ABCB1: variants seen among roughly 807,000 people sequenced by gnomAD.
The protein encoded by ABCB1 is ATP binding cassette subfamily B member 1, also known as ATP-dependent translocase ABCB1.
ABCB1 carries 69 observed loss-of-function variants against 142.0 expected under a neutral mutation model. The observed-to-expected ratio is 0.49, with a 90% CI of 0.40 to 0.59. The LOEUF (loss-of-function observed/expected upper bound fraction) is 0.59, where lower values mean the gene tolerates loss of function less well. ABCB1 is among the 20% of genes least tolerant of loss of function. The pLI, the probability that ABCB1 is intolerant of heterozygous loss-of-function variation, is 0.00. For synonymous variants in ABCB1, 532 were observed against 539.2 expected, an observed-to-expected ratio of 0.99 and a Z score of 0.18; for missense variants, 1,326 against 1,554.7, an observed-to-expected ratio of 0.85 and a Z score of 2.47.
chr7:87,683,563 G>A (rs1827148500), intron 1 of ABCB1, among the ~76,000 whole-genome samples: 1 of 152,174 alleles, frequency 6.6e-6, no homozygotes, highest in Admixed American at 6.5e-5. Context: ...AGAGAGATGG[G>A]AAATGGCCGG....
chr7:87,583,966 T>C (rs1349927927), intron 4 of ABCB1, among the ~76,000 whole-genome samples: 4 of 152,126 alleles, frequency 2.6e-5, no homozygotes, highest in Admixed American at 1.3e-4. Context: ...ATATAGCAAG[T>C]ATAGGAACTA....
chr7:87,513,680 T>A (rs1216461437), intron 25 of ABCB1, among the ~76,000 whole-genome samples: 2 of 152,176 alleles, frequency 1.3e-5, no homozygotes, highest in African/African-American at 4.8e-5. Flanking sequence ...TTCTCTTACA[T>A]TGAATGTCAT....
chr7:87,581,140 A>G (rs992088505), intron 4 of ABCB1, among the ~76,000 whole-genome samples: 7 of 151,978 alleles, frequency 4.6e-5, no homozygotes, highest in Non-Finnish European at 8.8e-5. Context: ...AAGTTTTATT[A>G]GAGACAAACT....
intron 14 of ABCB1, among the ~76,000 whole-genome samples, chr7:87,548,829 C>G (rs1436242764): frequency 2.0e-5 from 3 of 152,182 alleles, no homozygotes; most frequent in African/African-American, 7.2e-5. Flanking sequence ...AATAACCTGT[C>G]ATGGCTTAGG....
In ABCB1 at chr7:87,541,385, A is replaced by G; in HGVS notation, c.2291T>C (p.Ile764Thr). The change falls in exon 18 of 28, where the codon ATT becomes ACT. Residue 764 changes from isoleucine (I) to threonine (T), a missense_variant. By Grantham distance (89) the Ile-to-Thr change is moderately conservative (BLOSUM62 -1). Transcript: ENST00000622132. Reference protein sequence around the residue: ...LFSLLFLALGIISFITFFLQG... With the variant: ...LFSLLFLALGTISFITFFLQG... ...AAGGAAAAATGTAATAAAAGAAATA[A>G]TTCCAAGGGCTAGAAACAATAGTGA... 6.3e-7 allele frequency: 1 copy of G among 1,598,700 alleles called. No homozygotes were observed. The highest frequency in any genetic ancestry group is 8.6e-7 in the Non-Finnish European group (1 of 1,166,058).
chr7:87,526,327 T>C (rs1048984199), intron 21 of ABCB1, among the ~76,000 whole-genome samples: 1 of 152,096 alleles, frequency 6.6e-6, no homozygotes, highest in African/African-American at 2.4e-5. Context: ...GGTGGCTCTC[T>C]ACCATAGCAT....
intron 2 of ABCB1, among the ~76,000 whole-genome samples, chr7:87,597,230 C>T (rs1270658833): frequency 6.6e-6 from 1 of 151,970 alleles, no homozygotes; most frequent in African/African-American, 2.4e-5. Context: ...CACACAAACT[C>T]TCACCCCTAC....
intron 1 of ABCB1, among the ~76,000 whole-genome samples, chr7:87,690,586 G>T (rs1029062981): frequency 6.6e-6 from 1 of 152,108 alleles, no homozygotes; most frequent in East Asian, 1.9e-4. Flanking sequence ...GATGAAAAAT[G>T]CTGTATAAAA....
At chr7:87,618,180 C>T (rs1008328110) in intron 1 of ABCB1, among the ~76,000 whole-genome samples, 6 of 152,162 alleles carry the variant, frequency 3.9e-5, no homozygotes, top group Non-Finnish European at 7.3e-5. Context: ...TGGAGTCCTG[C>T]CCCAACTTCT....
intron 1 of ABCB1, among the ~76,000 whole-genome samples, chr7:87,679,037 A>G (rs1227407413): frequency 7.3e-6 from 1 of 137,664 alleles, no homozygotes; most frequent in Non-Finnish European, 1.6e-5. Flanking sequence ...TAAGGGTACA[A>G]ATGATCTTGG....
intron 4 of ABCB1, 65 bp downstream of exon 4, chr7:87,585,447 C>T (rs1373180023): frequency 6.5e-7 from 1 of 1,536,806 alleles, no homozygotes; most frequent in Non-Finnish European, 8.9e-7. Context: ...AATCCATAAA[C>T]ATCACTCTAA....
At chr7:87,672,324 A>G (rs1376034821) in intron 1 of ABCB1, among the ~76,000 whole-genome samples, 3 of 151,806 alleles carry the variant, frequency 2.0e-5, no homozygotes, top group Non-Finnish European at 4.4e-5. Context: ...GTCAGCTTGG[A>G]CTCTCCAAAG....
intron 1 of ABCB1, among the ~76,000 whole-genome samples, chr7:87,626,312 G>GTGTCATATATATCTGTCA (rs1820521959): frequency 2.7e-4 from 2 of 7,322 alleles, no homozygotes; most frequent in Non-Finnish European, 4.0e-4. Context: ...TATATGTGTC[G>GTGTCATATATATCTGTCA]TATATGTGTC....
In ABCB1 at chr7:87,531,472, A is replaced by C. The variant is rs200496828; in HGVS notation, c.2507T>G (p.Ile836Ser). ...CCCAAGATTTGCTATATTCTGGGTA[A>C]TTACAGCAAGCCTGGAACCTATAGC... ...KGAIGSRLAV[I>S]TQNIANLGTG... Residue 836 changes from isoleucine (I) to serine (S), a missense_variant, in exon 21 of 28, where the codon ATT (isoleucine) becomes AGT (serine). Transcript: ENST00000622132. 2 of 1,613,114 alleles carry C rather than the reference A, an allele frequency of 1.2e-6. No homozygotes were observed. Among genetic ancestry groups the C allele is most frequent in the Non-Finnish European group, 1.7e-6 (2 of 1,179,634 alleles).
At chr7:87,580,843 T>G (rs1818475778) in intron 4 of ABCB1, among the ~76,000 whole-genome samples, 1 of 152,022 alleles carries the variant, frequency 6.6e-6, no homozygotes, top group Non-Finnish European at 1.5e-5. Context: ...GAGACTGTGA[T>G]TCATTCTTCA....
intron 1 of ABCB1, among the ~76,000 whole-genome samples, chr7:87,663,347 C>A (rs1295881025): frequency 6.6e-6 from 1 of 152,016 alleles, no homozygotes; most frequent in Non-Finnish European, 1.5e-5. Context: ...ATTAACTAAC[C>A]ATCTCGTTGT....
chr7:87,538,335 T>C (rs180842378), intron 19 of ABCB1, among the ~76,000 whole-genome samples: 3 of 152,334 alleles, frequency 2.0e-5, no homozygotes, highest in Admixed American at 6.5e-5. Context: ...CTCTCTCACT[T>C]AGATTCAGTC....
chr7:87,542,426 G>C (rs1270836170), intron 17 of ABCB1, among the ~76,000 whole-genome samples: 2 of 152,144 alleles, frequency 1.3e-5, no homozygotes, highest in Non-Finnish European at 2.9e-5. Flanking sequence ...ATTTGCTCAA[G>C]TTAACACAGC....
chr7:87,533,683 C>T (rs947900041), intron 20 of ABCB1, among the ~76,000 whole-genome samples: 1 of 152,026 alleles, frequency 6.6e-6, no homozygotes, highest in Non-Finnish European at 1.5e-5. Flanking sequence ...AGATTAGTAG[C>T]CAGAAAATTT....
Sources: allele counts gnomAD v4.1 joint callset (sites outside exome capture counted in the v4.1 genomes callset), GRCh38; gene constraint gnomAD v4.1.1; transcripts MANE v1.5; gene names NCBI Gene and HGNC (gene_info 2026-07-23, HGNC 2026-07-21).